PPP6R1: variants seen among roughly 807,000 people sequenced by gnomAD.
PPP6R1 encodes the protein serine/threonine-protein phosphatase 6 regulatory subunit 1.
PPP6R1 carries 39 observed loss-of-function variants against 104.6 expected under a neutral mutation model. The observed-to-expected ratio is 0.37, with a 90% confidence interval of 0.29 to 0.49. The LOEUF (loss-of-function observed/expected upper bound fraction) is 0.49. PPP6R1 is among the 20% of genes least tolerant of loss of function. The probability of loss-of-function intolerance (pLI) is 0.98; values close to 1 mark genes in which losing one functional copy is unlikely to be tolerated. For missense variants in PPP6R1, 1,181 were observed against 1,155.8 expected, an observed-to-expected ratio of 1.02 and a Z score of -0.32; for synonymous variants, 549 against 479.0, an observed-to-expected ratio of 1.15 and a Z score of -1.91.
chr19:55,256,432 C>T (rs888277232), intron 1 of PPP6R1, among the ~76,000 whole-genome samples: 1 of 152,276 alleles, frequency 6.6e-6, no homozygotes, highest in African/African-American at 2.4e-5. Flanking sequence ...CCAAAAACAT[C>T]TCCAGATATC....
chr19:55,230,925 A>G, intron 21 of PPP6R1, 41 bp from the exon 22 acceptor site: 1 of 1,485,402 alleles, frequency 6.7e-7, no homozygotes, highest in Non-Finnish European at 9.3e-7. Flanking sequence ...CGTGGCCCCC[A>G]CCGTCACCTG....
chr19:55,236,069 G>T (rs1291289807), intron 17 of PPP6R1, among the ~76,000 whole-genome samples: 1 of 143,760 alleles, frequency 7.0e-6, no homozygotes, highest in East Asian at 2.1e-4. Flanking sequence ...GAGCTCAAGC[G>T]ATCCATCCAC....
chr19:55,232,029 G>C (rs1007077593), intron 18 of PPP6R1, 46 bp downstream of exon 18: 1 of 1,610,626 alleles, frequency 6.2e-7, no homozygotes, highest in African/African-American at 1.3e-5. Context: ...CTCAGTAGCA[G>C]GCAGACAGCC....
chr19:55,232,275 C>T (rs1274869944), intron 17 of PPP6R1, 64 bp from the exon 18 acceptor site: 2 of 1,480,892 alleles, frequency 1.4e-6, no homozygotes, highest in South Asian at 1.4e-5. Flanking sequence ...CCATCCTGTT[C>T]CCTGCAGCCC....
rs568320319 is a variant in PPP6R1, at chr19:55,241,096, G to A, written c.1162-17C>T. 35 of 1,548,882 alleles carry A rather than the reference G, an allele frequency of 2.3e-5. No individual in the cohort carries two copies. Among genetic ancestry groups the A allele is most frequent in the Non-Finnish European group, 2.8e-5 (32 of 1,146,784 alleles). On this transcript the variant is annotated splice_polypyrimidine_tract_variant and intron_variant, in intron 9 of 23. Transcript: ENST00000412770. This position sits in a 1 kb window ranked among gnomAD's most constrained non-coding sequence, Gnocchi z 5.4. ...GAAGAGGTCCTATGGGAGGACACAG[G>A]ATTGGTACCAGAGAGGCCCCGCCCC...
intron 7 of PPP6R1, 94 bp downstream of exon 7, chr19:55,242,072 G>C (rs923085215): frequency 1.6e-6 from 2 of 1,212,648 alleles, no homozygotes; most frequent in South Asian, 1.3e-5. Flanking sequence ...CACGGGCGGG[G>C]ATTTCTCTTG....
rs369259016 is a variant in PPP6R1, at chr19:55,239,514, C to T, written c.1654-12G>A. On this transcript the variant is annotated splice_polypyrimidine_tract_variant and intron_variant, in intron 14 of 23. Coordinates refer to ENST00000412770, the MANE Select transcript of PPP6R1 (RefSeq NM_014931.4). ...AAGTCCATGAAGGCCTGTGGGGGTG[C>T]GGAGGTTAGGGCTGGAGGGAGTTGG... 80 of 1,613,330 alleles carry T rather than the reference C, an allele frequency of 5.0e-5. No homozygotes were observed. Among genetic ancestry groups the T allele is most frequent in the Middle Eastern group, 1.6e-4 (1 of 6,084 alleles).
At chr19:55,237,079 G>T in intron 15 of PPP6R1, 109 bp from the exon 16 acceptor site, 2 of 1,221,034 alleles carry the variant, frequency 1.6e-6, no homozygotes, top group Non-Finnish European at 2.4e-6. Context: ...CTCATTACTT[G>T]CAGATTTGGT....
chr19:55,246,274 T>C (rs1020337080), intron 2 of PPP6R1, among the ~76,000 whole-genome samples: 1 of 151,994 alleles, frequency 6.6e-6, no homozygotes, highest in African/African-American at 2.4e-5. Context: ...CTACCAAAAA[T>C]ACAAAAATTA....
intron 1 of PPP6R1, among the ~76,000 whole-genome samples, chr19:55,249,954 T>C (rs1409411518): frequency 6.6e-6 from 1 of 152,158 alleles, no homozygotes; most frequent in Non-Finnish European, 1.5e-5. Flanking sequence ...GCCAGCTCAC[T>C]GACTGACCTC....
At chr19:55,242,041 G>C in intron 7 of PPP6R1, 125 bp downstream of exon 7, 1 of 872,126 alleles carries the variant, frequency 1.1e-6, no homozygotes, top group Non-Finnish European at 1.8e-6. Context: ...AGGGAGCACA[G>C]GCAGCCACAG....
intron 1 of PPP6R1, among the ~76,000 whole-genome samples, chr19:55,254,605 C>T (rs1167720132): frequency 1.3e-5 from 2 of 152,198 alleles, no homozygotes; most frequent in African/African-American, 4.8e-5. Context: ...CCCACGAGCA[C>T]CCAGAAATGG....
At position 55,241,584 on chromosome 19, in the gene PPP6R1, G is replaced by A. The variant is rs2087458283; in HGVS notation, c.901C>T (p.Leu301Phe). ...CTTTCCAGGGCCCCCTGGGCCAGGAGCTCCAGCTGCCCATCCACACTGCTG... is the reference window on the plus strand; with the variant it reads ...CTTTCCAGGGCCCCCTGGGCCAGGAACTCCAGCTGCCCATCCACACTGCTG... ...FFSSVDGQLELLAQGALESTV... is the reference protein window; with the variant it reads ...FFSSVDGQLEFLAQGALESTV... The change falls in exon 8 of 24, where the codon CTC (leucine) becomes TTC (phenylalanine). Residue 301 changes from leucine to phenylalanine, a missense_variant. By Grantham distance (22) the Leu-to-Phe change is conservative. Coordinates refer to ENST00000412770, the MANE Select transcript of PPP6R1 (RefSeq NM_014931.4). The surrounding 1 kb of genome is among the most constrained non-coding windows in gnomAD (Gnocchi z 5.4). 7.6e-6 allele frequency: 12 copies of A among 1,585,332 alleles called. No homozygotes were observed. The highest frequency in any genetic ancestry group is 1.0e-5 in the Non-Finnish European group (12 of 1,167,124).
chr19:55,248,815 A>T (rs2087530859), intron 1 of PPP6R1, among the ~76,000 whole-genome samples: 1 of 152,182 alleles, frequency 6.6e-6, no homozygotes, highest in Non-Finnish European at 1.5e-5. Flanking sequence ...ACAGAGTCCC[A>T]CACATGGCCT....
intron 5 of PPP6R1, 73 bp from the exon 6 acceptor site, chr19:55,242,561 C>T: frequency 7.9e-7 from 1 of 1,272,880 alleles, no homozygotes; most frequent in Non-Finnish European, 1.1e-6. Flanking sequence ...CTGGGAGCCC[C>T]TCCCATGAGC....
chr19:55,231,679 A>T lies in PPP6R1; in HGVS notation c.2307-11T>A. 3 of 1,592,648 alleles carry T rather than the reference A, an allele frequency of 1.9e-6. No homozygotes were observed. The highest frequency in any genetic ancestry group is 2.6e-6 in the Non-Finnish European group (3 of 1,169,222). On this transcript the variant is annotated splice_polypyrimidine_tract_variant and intron_variant, in intron 19 of 23. Transcript: ENST00000412770. ...GTGGGGTCCTGAGACCTGGTAGGCG[A>T]GAGAGGCAGCCCAAGGGGGCAGCTA...
At chr19:55,234,531 A>G (rs917765083) in intron 17 of PPP6R1, among the ~76,000 whole-genome samples, 6 of 152,250 alleles carry the variant, frequency 3.9e-5, no homozygotes, top group African/African-American at 1.4e-4. Flanking sequence ...ATGGAAAACC[A>G]TAGAAATAAT....
In PPP6R1 at chr19:55,247,049, G is replaced by A. The variant is rs760310476; in HGVS notation, c.55C>T (p.Arg19Trp). The change falls in exon 2 of 24, where the codon CGG becomes TGG. Residue 19 changes from arginine (R) to tryptophan (W), a missense_variant. By Grantham distance (101) the Arg-to-Trp change is moderately radical. Around this residue, in one of 2 missense-constraint regions of PPP6R1, gnomAD observed 139 missense variants for 200.1 expected, o/e 0.69. Coordinates refer to ENST00000412770, the MANE Select transcript of PPP6R1 (RefSeq NM_014931.4). ...TSSHLDTLLEREDLSLPELLD... is the reference protein window; with the variant it reads ...TSSHLDTLLEWEDLSLPELLD... ...AGCTCGGGCAGGCTCAGGTCCTCCC[G>A]CTCCAGCAGCGTGTCCAGGTGCGAG... The A allele has an allele frequency of 3.1e-6, 5 of 1,613,802 alleles. No individual in the cohort carries two copies. The highest frequency in any genetic ancestry group is 4.2e-6 in the Non-Finnish European group (5 of 1,179,882).
intron 15 of PPP6R1, 128 bp from the exon 16 acceptor site, chr19:55,237,098 A>T: frequency 1.0e-6 from 1 of 965,388 alleles, no homozygotes; most frequent in Non-Finnish European, 1.6e-6. Flanking sequence ...GTATCTGCAA[A>T]TTCACACACA....
Sources: allele counts gnomAD v4.1 joint callset (sites outside exome capture counted in the v4.1 genomes callset), GRCh38; gene constraint gnomAD v4.1.1; regional missense constraint gnomAD v4.1.1; non-coding constraint Gnocchi (gnomAD v3.1); transcripts MANE v1.5; gene names NCBI Gene and HGNC (gene_info 2026-07-23, HGNC 2026-07-21).